CYP2S1: variants seen among roughly 807,000 people sequenced by gnomAD.
CYP2S1 encodes the protein cytochrome P450 2S1.
A neutral mutation model predicts 43.5 loss-of-function variants in CYP2S1; 32 were observed. That is an observed-to-expected ratio of 0.74 (90% confidence interval 0.56 to 0.99). CYP2S1 has a LOEUF of 0.99. Ranked by LOEUF, CYP2S1 falls within the 50% of genes least tolerant of loss-of-function variation. The pLI is 0.00. For synonymous variants in CYP2S1, 283 were observed against 302.9 expected (o/e 0.93, Z 0.68); for missense variants, 575 against 673.9 (o/e 0.85, Z 1.62).
chr19:41,195,041 G>A (rs567277300), intron 2 of CYP2S1, among the ~76,000 whole-genome samples: 1 of 152,094 alleles, frequency 6.6e-6, no homozygotes, highest in Non-Finnish European at 1.5e-5. Context: ...GCTTGAACCC[G>A]GGAGGCAGAT....
rs553614240 is a variant in CYP2S1 at position 41,193,480 on chromosome 19, G to A, written c.177+39G>A. 3.6e-5 allele frequency: 50 copies of A among 1,397,372 alleles called. No individual in the cohort carries two copies. The African/African-American group carries it at 7.1e-4, about 20-fold the overall frequency. 86.6% of individuals were successfully genotyped at this position (1,397,372 alleles called of 1,614,324 possible). ...GGGACGTCCTGGCTAGGGGTGGGAG[G>A]ATTCCTGGGAGAGAAACCCGAGTGC... On this transcript the variant is annotated intron_variant, in intron 1 of 8. Coordinates refer to ENST00000310054, the MANE Select transcript of CYP2S1 (RefSeq NM_030622.8).
In CYP2S1 at chr19:41,203,538, G is replaced by A. The variant is rs542005816; in HGVS notation, c.1065G>A (p.Ala355=). 1.6e-5 allele frequency: 25 copies of A among 1,597,854 alleles called. No homozygotes were observed. The highest frequency in any genetic ancestry group is 3.4e-4 in the Middle Eastern group (2 of 5,894). ...GDRTRLPYTD[A]VLHEAQRLLA... ...GTACCCGCCTCCCTTACACCGACGC[G>A]GTTCTGCATGAGGCGCAGCGGCTGC... The change falls in exon 7 of 9, where the codon GCG becomes GCA. Residue 355 remains alanine (A), a synonymous_variant. Transcript: ENST00000310054.
chr19:41,203,415 C>A, intron 6 of CYP2S1, 35 bp from the exon 7 acceptor site: 1 of 1,547,262 alleles, frequency 6.5e-7, no homozygotes, highest in South Asian at 1.2e-5. Flanking sequence ...CTGGGCCCTA[C>A]CCCCGTCTGA....
At chr19:41,202,583 A>T (rs961814094) in intron 6 of CYP2S1, among the ~76,000 whole-genome samples, 1 of 151,806 alleles carries the variant, frequency 6.6e-6, no homozygotes, top group Admixed American at 6.6e-5. Flanking sequence ...TGAGGCTAGG[A>T]GTTCAAGATC....
rs758706216 is a variant in CYP2S1, at chr19:41,203,459, G to T, written c.986G>T (p.Arg329Leu). 6.2e-7 allele frequency: 1 copy of T among 1,607,234 alleles called. No individual in the cohort carries two copies. The highest frequency in any genetic ancestry group is 1.1e-5 in the South Asian group (1 of 89,912). The change falls in exon 7 of 9, where the codon CGT (arginine) becomes CTT (leucine). Residue 329 changes from arginine to leucine, a missense_variant. Around this residue, in one of 2 missense-constraint regions of CYP2S1, gnomAD observed 222 missense variants for 306.3 expected, o/e 0.72. Coordinates refer to ENST00000310054, the MANE Select transcript of CYP2S1 (RefSeq NM_030622.8). ...CTCCTCTTGCTTGCAGAGTGGGTAC[G>T]TGAGGAGCTGAATCGGGAGCTGGGG... ...MKYPHVQKWVREELNRELGAG... is the reference protein window; with the variant it reads ...MKYPHVQKWVLEELNRELGAG...
chr19:41,199,036 T>C, intron 5 of CYP2S1, 148 bp downstream of exon 5: 2 of 1,044,314 alleles, frequency 1.9e-6, no homozygotes, highest in Non-Finnish European at 2.7e-6. Context: ...TGTGCATGTG[T>C]GTGCATCCCT....
chr19:41,193,315 G>A lies in CYP2S1; in HGVS notation c.51G>A (p.Leu17=), dbSNP rs2033364912. 27 of 1,541,772 alleles carry A rather than the reference G, an allele frequency of 1.8e-5. No individual in the cohort carries two copies. Among genetic ancestry groups the A allele is most frequent in the Non-Finnish European group, 2.2e-5 (25 of 1,144,162 alleles). Reference sequence around the variant, plus strand: ...TGCTGCTGGCGCTGGCGCTGCTCCTGCTGCTGACGCTGGCGCTGTCCGGGA... The same window carrying A: ...TGCTGCTGGCGCTGGCGCTGCTCCTACTGCTGACGCTGGCGCTGTCCGGGA... ...WALLLALALL[L]LLTLALSGTR... The change falls in exon 1 of 9, where the codon CTG becomes CTA. Residue 17 remains leucine (L), a synonymous_variant. Transcript: ENST00000310054.
chr19:41,199,755 G>A (rs2033464010), intron 5 of CYP2S1, among the ~76,000 whole-genome samples: 2 of 151,792 alleles, frequency 1.3e-5, no homozygotes, highest in Non-Finnish European at 2.9e-5. Flanking sequence ...ACCTGAGGTC[G>A]GGAGTTCGAG....
intron 7 of CYP2S1, among the ~76,000 whole-genome samples, chr19:41,204,580 T>TTTC (rs1323875910): frequency 1.3e-5 from 2 of 149,388 alleles, no homozygotes; most frequent in South Asian, 2.1e-4. Flanking sequence ...CTATTTTCTT[T>TTTC]TTCTTCTTCT....
chr19:41,194,491 C>T, intron 1 of CYP2S1, 53 bp from the exon 2 acceptor site: 7 of 1,500,282 alleles, frequency 4.7e-6, no homozygotes, highest in Non-Finnish European at 6.2e-6. Flanking sequence ...GATGGAGACA[C>T]CTTGGATCGA....
chr19:41,197,844 G>A lies in CYP2S1; in HGVS notation c.409G>A (p.Asp137Asn), dbSNP rs748546829. The A allele has an allele frequency of 5.0e-6, 8 of 1,614,196 alleles. No individual in the cohort carries two copies. Among genetic ancestry groups the A allele is most frequent in the East Asian group, 4.5e-5 (2 of 44,886 alleles). The change falls in exon 3 of 9, where the codon GAC becomes AAC. Residue 137 changes from aspartate to asparagine, a missense_variant. Coordinates refer to ENST00000310054, the MANE Select transcript of CYP2S1 (RefSeq NM_030622.8). Reference sequence around the variant, plus strand: ...GAAGTTTACCATGCTTGCTCTGCGGGACCTGGGCATGGGGAAGCGAGAAGG... The same window carrying A: ...GAAGTTTACCATGCTTGCTCTGCGGAACCTGGGCATGGGGAAGCGAGAAGG... ...LRKFTMLALR[D>N]LGMGKREGEE...
At chr19:41,204,495 A>AG (rs554989165) in intron 7 of CYP2S1, among the ~76,000 whole-genome samples, 91 of 152,020 alleles carry the variant, frequency 6.0e-4, no homozygotes, top group African/African-American at 2.1e-3. Flanking sequence ...CCAGCAGTTT[A>AG]TGCAAGCAGC....
At chr19:41,197,258 G>A (rs1320262037) in intron 2 of CYP2S1, among the ~76,000 whole-genome samples, 3 of 152,232 alleles carry the variant, frequency 2.0e-5, no homozygotes, top group South Asian at 2.1e-4. Flanking sequence ...CTTTTCAGGA[G>A]AATGTACTCC....
chr19:41,197,066 A>T (rs112864784), intron 2 of CYP2S1, among the ~76,000 whole-genome samples: 104 of 152,212 alleles, frequency 6.8e-4, no homozygotes, highest in Non-Finnish European at 1.3e-3. Flanking sequence ...GTAGTGGCAT[A>T]TGCCTGTAAT....
At position 41,206,345 on chromosome 19, in the gene CYP2S1, C is replaced by A; in HGVS notation, c.1372C>A (p.Leu458Ile). 6.2e-7 allele frequency: 1 copy of A among 1,614,148 alleles called. No homozygotes were observed. The highest frequency in any genetic ancestry group is 1.1e-5 in the South Asian group (1 of 91,088). Reference sequence around the variant, plus strand: ...GCTCTTCCTCTTCTTCACCACCATCCTACAAGCCTTCTCCCTGGAGAGCCC... The same window carrying A: ...GCTCTTCCTCTTCTTCACCACCATCATACAAGCCTTCTCCCTGGAGAGCCC... ...AELFLFFTTI[L>I]QAFSLESPCP... Residue 458 changes from leucine (L) to isoleucine (I), a missense_variant, in exon 9 of 9, where the codon CTA (leucine) becomes ATA (isoleucine). By Grantham distance (5) the Leu-to-Ile change is conservative. Coordinates refer to ENST00000310054, the MANE Select transcript of CYP2S1 (RefSeq NM_030622.8).
chr19:41,193,331 C>T lies in CYP2S1; in HGVS notation c.67C>T (p.Leu23=). Residue 23 remains leucine (L), a synonymous_variant, in exon 1 of 9, where the codon CTG becomes TTG. Coordinates refer to ENST00000310054, the MANE Select transcript of CYP2S1 (RefSeq NM_030622.8). The part of the protein sequence containing the change: ...LALLLLLTLA[L]SGTRARGHLP... ...GCTGCTCCTGCTGCTGACGCTGGCG[C>T]TGTCCGGGACCAGGGCCCGAGGCCA... 2 of 1,540,556 alleles carry T rather than the reference C, an allele frequency of 1.3e-6. No individual in the cohort carries two copies. Among genetic ancestry groups the T allele is most frequent in the South Asian group, 1.2e-5 (1 of 83,684 alleles).
At position 41,198,616 on chromosome 19, in the gene CYP2S1, G is replaced by T; in HGVS notation, c.648G>T (p.Gly216=). The T allele has an allele frequency of 6.2e-7, 1 of 1,614,084 alleles. No homozygotes were observed. Among genetic ancestry groups the T allele is most frequent in the East Asian group, 2.2e-5 (1 of 44,874 alleles). ...GGTLLGVSSQ[G]GQTYEMFSWF... ...CCCTGCTGGGAGTCAGCTCCCAGGG[G>T]GGTCAGGTGAGTGGGTGGGACCCCT... The change falls in exon 4 of 9, where the codon GGG becomes GGT. Residue 216 remains glycine, a synonymous_variant. Transcript: ENST00000310054. This position sits in a 1 kb window ranked among gnomAD's most constrained non-coding sequence, Gnocchi z 4.9.
chr19:41,199,226 C>T (rs1273211634), intron 5 of CYP2S1, among the ~76,000 whole-genome samples: 2 of 152,132 alleles, frequency 1.3e-5, no homozygotes, highest in East Asian at 1.9e-4. Flanking sequence ...CCCAGGATCA[C>T]TTCATCCCAT....
chr19:41,203,390 C>T, intron 6 of CYP2S1, 60 bp from the exon 7 acceptor site: 3 of 1,483,196 alleles, frequency 2.0e-6, no homozygotes, highest in Non-Finnish European at 1.8e-6. Context: ...AGATGGGCTT[C>T]TGAGAGGAGG....
Sources: gnomAD v4.1 joint callset for allele counts (sites outside exome capture counted in the v4.1 genomes callset) on GRCh38, gnomAD v4.1.1 for gene constraint, gnomAD v4.1.1 regional missense constraint, Gnocchi (gnomAD v3.1) non-coding constraint, MANE v1.5 for transcripts, NCBI Gene and HGNC (gene_info 2026-07-23, HGNC 2026-07-21) for gene names.